Variants in FSTL4 observed in about 807,000 individuals in gnomAD.
FSTL4 encodes follistatin-related protein 4.
In FSTL4, 28 loss-of-function variants were observed where a neutral mutation model predicts 78.2. The ratio of observed to expected loss-of-function variants is 0.36; its 90% CI spans 0.27 to 0.49. The LOEUF (loss-of-function observed/expected upper bound fraction) is 0.49. FSTL4 is among the 20% of genes least tolerant of loss of function. FSTL4 has a pLI of 0.98. For missense variants in FSTL4, 922 were observed against 1,084.9 expected (o/e 0.85, Z 2.11); for synonymous variants, 422 against 440.5 (o/e 0.96, Z 0.53).
the FSTL4 span, among the ~76,000 whole-genome samples, chr5:133,790,702 C>G: frequency 1.3e-5 from 2 of 152,208 alleles, no homozygotes; most frequent in South Asian, 2.1e-4. Context: ...CTACCCACAG[C>G]CTTCCTAATC....
At chr5:133,708,751 C>T in the FSTL4 span, among the ~76,000 whole-genome samples, 1 of 152,224 alleles carries the variant, frequency 6.6e-6, no homozygotes, top group Non-Finnish European at 1.5e-5. Flanking sequence ...GTCAATGTGG[C>T]CCAAATGTAG....
intron 3 of FSTL4, among the ~76,000 whole-genome samples, chr5:133,490,702 T>C (rs983134365): frequency 1.3e-5 from 2 of 152,252 alleles, no homozygotes; most frequent in Non-Finnish European, 2.9e-5. Context: ...GGCTTTTTAT[T>C]AATTTATGAT....
Position 133,426,167 on chromosome 5 carries a change from C to A in FSTL4, c.161-25181G>T, listed in dbSNP as rs1325412094. On this transcript the variant is annotated intron_variant, in intron 3 of 15. Coordinates refer to ENST00000265342, the MANE Select transcript of FSTL4 (RefSeq NM_015082.2). This position sits in a 1 kb window ranked among gnomAD's most constrained non-coding sequence, Gnocchi z 5.0. ...TGATCTCAAAAGAAGTCATCTTTCC[C>A]AGTTAGGAATTTTTAAAGCACAGAG... is the stretch of plus-strand genomic sequence containing the variant. Among the ~76,000 whole-genome samples, 2 of 152,178 alleles carry A rather than the reference C, an allele frequency of 1.3e-5. No homozygotes were observed. Among genetic ancestry groups the A allele is most frequent in the Non-Finnish European group, 2.9e-5 (2 of 68,026 alleles).
chr5:133,668,734 A>C, the FSTL4 span, among the ~76,000 whole-genome samples: 1 of 152,140 alleles, frequency 6.6e-6, no homozygotes, highest in Non-Finnish European at 1.5e-5. Context: ...CTGTCTTGTG[A>C]CATCGTCAAG....
In FSTL4 at chr5:133,351,636, C is replaced by T. The variant is rs564215157; in HGVS notation, c.410-34984G>A. ...TTTTTATTTTTTTTTGAGACGGAGT[C>T]TTGCTGTGTCTCCCAGGCTGGAGTG... On this transcript the variant is annotated intron_variant, in intron 4 of 15. Transcript: ENST00000265342. Among the ~76,000 whole-genome samples, 97 of 152,108 alleles carry T rather than the reference C, an allele frequency of 6.4e-4. 1 individual carries two copies. In the South Asian group the frequency reaches 0.02, roughly 31 times the overall value.
At chr5:133,656,147 A>G in the FSTL4 span, among the ~76,000 whole-genome samples, 3 of 152,178 alleles carry the variant, frequency 2.0e-5, no homozygotes, top group Admixed American at 2.0e-4. Flanking sequence ...TAAGAGGTAC[A>G]TCTCAGGAGG....
chr5:133,235,950 G>C (rs1334948773), intron 7 of FSTL4, among the ~76,000 whole-genome samples: 2 of 152,182 alleles, frequency 1.3e-5, no homozygotes, highest in African/African-American at 4.8e-5. Flanking sequence ...TGGAGTCTCA[G>C]TGGTGAGATG....
At chr5:133,233,301 ATTT>A in intron 8 of FSTL4, 113 bp downstream of exon 8, 1 of 1,128,414 alleles carries the variant, frequency 8.9e-7, no homozygotes, top group African/African-American at 1.5e-5. Context: ...GAGATGATAT[ATTT>A]TGGGGTTAGA....
chr5:133,770,559 A>T, the FSTL4 span, among the ~76,000 whole-genome samples: 1 of 152,040 alleles, frequency 6.6e-6, no homozygotes, highest in Non-Finnish European at 1.5e-5. Context: ...TCCTTTGCCC[A>T]ATTTTTAATG....
At chr5:133,425,708 G>A (rs1354116396) in intron 3 of FSTL4, among the ~76,000 whole-genome samples, 1 of 152,164 alleles carries the variant, frequency 6.6e-6, no homozygotes, top group Non-Finnish European at 1.5e-5. Flanking sequence ...TTCACTCATT[G>A]AATAATTCTG....
intron 3 of FSTL4, among the ~76,000 whole-genome samples, chr5:133,537,163 G>C (rs1190335175): frequency 6.6e-6 from 1 of 152,174 alleles, no homozygotes; most frequent in Non-Finnish European, 1.5e-5. Flanking sequence ...TATAGAACCT[G>C]CTTGTCAAAT....
At chr5:133,654,295 C>G in the FSTL4 span, among the ~76,000 whole-genome samples, 2 of 152,188 alleles carry the variant, frequency 1.3e-5, no homozygotes, top group South Asian at 4.1e-4. Flanking sequence ...TAATCCTCCC[C>G]ACAGTCCTCT....
intron 4 of FSTL4, among the ~76,000 whole-genome samples, chr5:133,336,015 A>G (rs990336171): frequency 5.9e-5 from 9 of 152,226 alleles, no homozygotes; most frequent in African/African-American, 2.2e-4. Context: ...GGCAACCCAT[A>G]GCTTACCCTG....
the FSTL4 span, among the ~76,000 whole-genome samples, chr5:133,764,297 G>C: frequency 6.6e-6 from 1 of 152,136 alleles, no homozygotes; most frequent in Non-Finnish European, 1.5e-5. Context: ...TCTGGGATCA[G>C]AGCAGCCCAG....
At chr5:133,528,825 A>G (rs918550273) in intron 3 of FSTL4, among the ~76,000 whole-genome samples, 4 of 152,254 alleles carry the variant, frequency 2.6e-5, no homozygotes, top group Non-Finnish European at 4.4e-5. Context: ...TATTTTAGAA[A>G]TAAACAAATT....
At chr5:133,589,410 C>T (rs1760576045) in intron 2 of FSTL4, among the ~76,000 whole-genome samples, 2 of 151,984 alleles carry the variant, frequency 1.3e-5, no homozygotes, top group Non-Finnish European at 2.9e-5. Context: ...CCAAATATCA[C>T]ACACTTAGTC....
At chr5:133,233,707 A>G (rs933091423) in intron 7 of FSTL4, among the ~76,000 whole-genome samples, 170 bp from the exon 8 acceptor site, 3 of 152,028 alleles carry the variant, frequency 2.0e-5, no homozygotes, top group African/African-American at 7.2e-5. Context: ...GGCAGCAGCA[A>G]CCCCATCTTG....
chr5:133,400,554 G>A (rs1239643166), intron 4 of FSTL4, among the ~76,000 whole-genome samples, 184 bp downstream of exon 4: 1 of 152,218 alleles, frequency 6.6e-6, no homozygotes, highest in African/African-American at 2.4e-5. Context: ...AGGGGTCTCT[G>A]GAGGTGGGAC....
At chr5:133,410,943 C>T (rs751438594) in intron 3 of FSTL4, among the ~76,000 whole-genome samples, 2 of 152,214 alleles carry the variant, frequency 1.3e-5, no homozygotes, top group African/African-American at 2.4e-5. Flanking sequence ...CTGGCTCAAC[C>T]GAGCCAAGCA....
Sources: allele counts gnomAD v4.1 joint callset (sites outside exome capture counted in the v4.1 genomes callset), GRCh38; gene constraint gnomAD v4.1.1; non-coding constraint Gnocchi (gnomAD v3.1); transcripts MANE v1.5; gene names NCBI Gene and HGNC (gene_info 2026-07-23, HGNC 2026-07-21).